Variants in CCDC171 observed in about 807,000 individuals in gnomAD.
The protein encoded by CCDC171 is coiled-coil domain-containing protein 171.
Under a neutral mutation model 168.2 loss-of-function variants are expected in CCDC171, and 177 were observed. The observed-to-expected ratio is 1.05, with a 90% confidence interval of 0.93 to 1.19. CCDC171 has a LOEUF of 1.19. CCDC171 is among the 50% of genes most tolerant of loss of function. The probability of loss-of-function intolerance (pLI) is 0.00; values close to 1 mark genes in which losing one functional copy is unlikely to be tolerated. For missense variants in CCDC171, 1,991 were observed against 1,539.0 expected, an observed-to-expected ratio of 1.29 and a Z score of -4.91; for synonymous variants, 687 against 540.8, an observed-to-expected ratio of 1.27 and a Z score of -3.75.
chr9:16,017,305 C>CA (rs35127195), intron 3 of CCDC171, among the ~76,000 whole-genome samples: 26,558 of 151,666 alleles, frequency 0.18, 2,433 homozygotes, highest in Non-Finnish European at 0.2. Flanking sequence ...TCAAACTGCA[C>CA]AAAAAAATAC....
At chr9:15,927,208 C>T (rs1355205689) in intron 25 of CCDC171, among the ~76,000 whole-genome samples, 1 of 151,610 alleles carries the variant, frequency 6.6e-6, no homozygotes, top group Non-Finnish European at 1.5e-5. Flanking sequence ...ATCAGTTGTA[C>T]ACTTGCCAGT....
chr9:15,908,240 G>A (rs952298811), intron 24 of CCDC171, among the ~76,000 whole-genome samples: 3 of 152,204 alleles, frequency 2.0e-5, no homozygotes, highest in Non-Finnish European at 2.9e-5. Context: ...CGATAGCAAA[G>A]ACTTGGAACT....
chr9:15,634,480 C>G (rs2046035553), intron 7 of CCDC171, among the ~76,000 whole-genome samples: 1 of 152,116 alleles, frequency 6.6e-6, no homozygotes. Context: ...CCCTCTTCCT[C>G]TCTCTCCATG....
At chr9:15,733,484 T>G (rs1490695103) in intron 16 of CCDC171, among the ~76,000 whole-genome samples, 2 of 151,778 alleles carry the variant, frequency 1.3e-5, no homozygotes, top group Non-Finnish European at 2.9e-5. Flanking sequence ...GTCAGTTTTT[T>G]TTTTTTTTTT....
chr9:15,911,176 T>C (rs1390561295), intron 24 of CCDC171, among the ~76,000 whole-genome samples: 1 of 152,208 alleles, frequency 6.6e-6, no homozygotes, highest in Non-Finnish European at 1.5e-5. Context: ...TGTAAAAGTG[T>C]TCCTATTTCT....
chr9:15,858,904 A>C (rs531339841), intron 23 of CCDC171, among the ~76,000 whole-genome samples: 1 of 152,196 alleles, frequency 6.6e-6, no homozygotes, highest in African/African-American at 2.4e-5. Context: ...CACGCTTGCT[A>C]GGACATTCAG....
intron 25 of CCDC171, among the ~76,000 whole-genome samples, chr9:15,926,879 A>C (rs369422596): frequency 6.6e-6 from 1 of 151,702 alleles, no homozygotes; most frequent in Non-Finnish European, 1.5e-5. Context: ...TTGTAGGCAA[A>C]AGAACTAAAA....
intron 21 of CCDC171, among the ~76,000 whole-genome samples, chr9:15,839,634 C>T (rs10756710): frequency 6.6e-6 from 1 of 151,502 alleles, no homozygotes; most frequent in Non-Finnish European, 1.5e-5. Context: ...AGTTGTTACT[C>T]AAGTAATTTT....
At chr9:16,100,194 T>G in the CCDC171 span, among the ~76,000 whole-genome samples, 1 of 152,086 alleles carries the variant, frequency 6.6e-6, no homozygotes, top group Non-Finnish European at 1.5e-5. Context: ...CCCCATCTTA[T>G]TGAACTAAAT....
At chr9:15,869,902 T>TA (rs373688165) in intron 23 of CCDC171, among the ~76,000 whole-genome samples, 4 of 151,254 alleles carry the variant, frequency 2.6e-5, no homozygotes, top group East Asian at 1.9e-4. Flanking sequence ...GATAGTCATT[T>TA]AAAAAAAAAC....
At chr9:15,953,842 A>G (rs1829474101) in intron 25 of CCDC171, among the ~76,000 whole-genome samples, 2 of 152,046 alleles carry the variant, frequency 1.3e-5, no homozygotes, top group Non-Finnish European at 2.9e-5. Context: ...TTACTGAGTC[A>G]ATCTGTTTAC....
chr9:15,883,829 T>C (rs1454813706), intron 24 of CCDC171, among the ~76,000 whole-genome samples: 1 of 152,188 alleles, frequency 6.6e-6, no homozygotes, highest in African/African-American at 2.4e-5. Flanking sequence ...AATTCATTTT[T>C]CTAGTTTTGT....
chr9:16,105,683 G>C, the CCDC171 span, among the ~76,000 whole-genome samples: 4 of 152,182 alleles, frequency 2.6e-5, no homozygotes, highest in African/African-American at 4.8e-5. Flanking sequence ...TGGTGACTTT[G>C]ACTTCAAGTT....
Position 15,917,391 on chromosome 9 carries a change from A to G in CCDC171, c.3601-2879A>G, listed in dbSNP as rs142573686. ...AAAGTATCATATGCACTATTATACAAATTTTATTTTGTCTCTCAAAATACT... is the reference window on the plus strand; with the variant it reads ...AAAGTATCATATGCACTATTATACAGATTTTATTTTGTCTCTCAAAATACT... On this transcript the variant is annotated intron_variant, in intron 24 of 25. Coordinates refer to ENST00000380701, the MANE Select transcript of CCDC171 (RefSeq NM_173550.4). Among the ~76,000 whole-genome samples the G allele has an allele frequency of 1.1e-3, 168 of 151,956 alleles. 6 individuals are homozygous for G. In the East Asian group the frequency reaches 0.029, roughly 26 times the overall value.
the CCDC171 span, among the ~76,000 whole-genome samples, chr9:16,075,331 T>G: frequency 6.6e-6 from 1 of 152,240 alleles, no homozygotes; most frequent in Non-Finnish European, 1.5e-5. Context: ...AAATCACTAA[T>G]CTTTTCTCTC....
chr9:15,981,725 T>A (rs1831802759), intron 3 of CCDC171, among the ~76,000 whole-genome samples: 1 of 152,174 alleles, frequency 6.6e-6, no homozygotes, highest in Non-Finnish European at 1.5e-5. Context: ...TCTTACCTTT[T>A]CTTTTCCATA....
chr9:16,086,716 G>A, the CCDC171 span, among the ~76,000 whole-genome samples: 1 of 152,028 alleles, frequency 6.6e-6, no homozygotes, highest in South Asian at 2.1e-4. Context: ...ATCTCCTTCA[G>A]TTTGGCTCCG....
chr9:16,024,822 C>T (rs916135417), intron 6 of CCDC171, among the ~76,000 whole-genome samples: 2 of 152,136 alleles, frequency 1.3e-5, no homozygotes, highest in Non-Finnish European at 2.9e-5. Context: ...ATACGGCACC[C>T]GAAATTTAGG....
In CCDC171 at chr9:15,564,204, G is replaced by T. The variant is rs373820871; in HGVS notation, c.41+75G>T. ...GAACAGGGAGAAGTCAGTGGTTGTAGAGCTAACTGTAAGAATTCTCATGGG... is the reference window on the plus strand; with the variant it reads ...GAACAGGGAGAAGTCAGTGGTTGTATAGCTAACTGTAAGAATTCTCATGGG... On this transcript the variant is annotated intron_variant, in intron 2 of 25. Transcript: ENST00000380701. 9.6e-4 allele frequency: 1,038 copies of T among 1,081,976 alleles called. 8 individuals are homozygous for T. In the South Asian group the frequency reaches 0.012, roughly 12 times the overall value. 67.0% of individuals were successfully genotyped at this position (1,081,976 alleles called of 1,614,324 possible).
Sources: allele counts gnomAD v4.1 joint callset (sites outside exome capture counted in the v4.1 genomes callset), GRCh38; gene constraint gnomAD v4.1.1; transcripts MANE v1.5; gene names NCBI Gene and HGNC (gene_info 2026-07-23, HGNC 2026-07-21).